Variants in CYTH3 observed in about 807,000 individuals in gnomAD.
The protein encoded by CYTH3 is cytohesin-3.
CYTH3 carries 23 observed loss-of-function variants against 55.1 expected under a neutral mutation model. The ratio of observed to expected loss-of-function variants is 0.42; its 90% CI spans 0.30 to 0.59. The LOEUF is 0.59. Among genes scored for constraint, CYTH3 ranks in the 20% least tolerant of loss-of-function variants. The pLI, the probability that CYTH3 is intolerant of heterozygous loss-of-function variation, is 0.20. For synonymous variants in CYTH3, 249 were observed against 194.9 expected (o/e 1.28, Z -2.31); for missense variants, 413 against 524.8 (o/e 0.79, Z 2.08).
intron 1 of CYTH3, among the ~76,000 whole-genome samples, chr7:6,267,236 CCT>C (rs1205741036): frequency 1.3e-5 from 2 of 152,172 alleles, no homozygotes; most frequent in African/African-American, 4.8e-5. Flanking sequence ...GTCCATGAAA[CCT>C]CTTTCCTTTA....
rs546818288 is a variant in CYTH3, at chr7:6,184,350, G to A, written c.249+2700C>T. Among the ~76,000 whole-genome samples the A allele has an allele frequency of 6.7e-5, 10 of 149,382 alleles. No individual in the cohort carries two copies. In the East Asian group the frequency reaches 1.0e-3, roughly 15 times the overall value. ...GCTGGGATTACAGGCGTGAGCCACCGCGCCTGGCCCCCTCTGTGGTATTGT... is the reference window on the plus strand; with the variant it reads ...GCTGGGATTACAGGCGTGAGCCACCACGCCTGGCCCCCTCTGTGGTATTGT... On this transcript the variant is annotated intron_variant, in intron 4 of 12. Coordinates refer to ENST00000350796, the MANE Select transcript of CYTH3 (RefSeq NM_004227.4).
chr7:6,258,050 G>A (rs979277733), intron 1 of CYTH3, among the ~76,000 whole-genome samples: 1 of 152,166 alleles, frequency 6.6e-6, no homozygotes, highest in African/African-American at 2.4e-5. Context: ...CTCCTGGGAG[G>A]ATCACTTGAG....
intron 1 of CYTH3, among the ~76,000 whole-genome samples, chr7:6,209,733 C>T (rs1460213627): frequency 2.0e-5 from 3 of 152,044 alleles, no homozygotes; most frequent in Non-Finnish European, 4.4e-5. Context: ...ATAGGTGACT[C>T]GATAAACTAT....
intron 1 of CYTH3, among the ~76,000 whole-genome samples, chr7:6,194,401 A>G (rs1028707939): frequency 2.6e-5 from 4 of 152,066 alleles, no homozygotes; most frequent in South Asian, 2.1e-4. Context: ...TGCAGTGACC[A>G]GCCACTGCAT....
chr7:6,164,882 G>A lies in CYTH3; in HGVS notation c.*62C>T, dbSNP rs573332549. The A allele has an allele frequency of 1.4e-5, 22 of 1,585,118 alleles. No homozygotes were observed. Among genetic ancestry groups the A allele is most frequent in the East Asian group, 2.2e-5 (1 of 44,744 alleles). On this transcript the variant is annotated 3_prime_UTR_variant, in exon 13 of 13. Transcript: ENST00000350796. ...TCCCTGCCACGCCTTCCGCGGAGGG[G>A]CCGCCCGCGGTGTCTTTCTGCTGGG...
chr7:6,267,797 C>A (rs1268683583), intron 1 of CYTH3, among the ~76,000 whole-genome samples: 2 of 152,162 alleles, frequency 1.3e-5, no homozygotes, highest in Non-Finnish European at 2.9e-5. Flanking sequence ...GCTGGGATTA[C>A]AGGCGTGAGC....
At chr7:6,183,138 A>C (rs1783550001) in intron 4 of CYTH3, among the ~76,000 whole-genome samples, 1 of 152,126 alleles carries the variant, frequency 6.6e-6, no homozygotes, top group South Asian at 2.1e-4. Context: ...TCCCACCTGG[A>C]GACACAATCA....
intron 1 of CYTH3, among the ~76,000 whole-genome samples, chr7:6,251,819 C>T (rs189453009): frequency 1.7e-4 from 26 of 152,264 alleles, no homozygotes; most frequent in African/African-American, 4.1e-4. Context: ...ACCACAGAAT[C>T]GCATGAGTTC....
At chr7:6,186,169 G>A (rs529674268) in intron 4 of CYTH3, among the ~76,000 whole-genome samples, 8 of 151,302 alleles carry the variant, frequency 5.3e-5, no homozygotes, top group Admixed American at 3.3e-4. Flanking sequence ...GCGTGAACCC[G>A]GGAGGCGGAG....
chr7:6,178,715 C>A (rs912345325), intron 4 of CYTH3, among the ~76,000 whole-genome samples: 6 of 152,176 alleles, frequency 3.9e-5, no homozygotes, highest in Admixed American at 1.3e-4. Context: ...TTTTCTATTA[C>A]CTGATGCCAA....
At chr7:6,229,169 T>C (rs772184128) in intron 1 of CYTH3, among the ~76,000 whole-genome samples, 6 of 152,218 alleles carry the variant, frequency 3.9e-5, no homozygotes, top group African/African-American at 1.4e-4. Context: ...GTTATCAAAG[T>C]TGGCCAGAAT....
rs868781637 is a variant in CYTH3 at position 6,272,595 on chromosome 7, G to C, written c.-88C>G. On this transcript the variant is annotated 5_prime_UTR_variant, in exon 1 of 13. Transcript: ENST00000350796. Reference sequence around the variant, plus strand: ...ACGCCGCCGGAGGGAGCGCGCAGGCGACCGGGCGGCTCCTCAGCGCGCGGC... The same window carrying C: ...ACGCCGCCGGAGGGAGCGCGCAGGCCACCGGGCGGCTCCTCAGCGCGCGGC... The C allele has an allele frequency of 1.4e-4, 146 of 1,049,824 alleles. No individual in the cohort carries two copies. In the African/African-American group the frequency reaches 2.2e-3, roughly 16 times the overall value. 65.0% of individuals were successfully genotyped at this position (1,049,824 alleles called of 1,614,324 possible).
chr7:6,251,032 A>G (rs1779948237), intron 1 of CYTH3, among the ~76,000 whole-genome samples: 1 of 152,226 alleles, frequency 6.6e-6, no homozygotes, highest in Admixed American at 6.5e-5. Context: ...TAATCCCAGC[A>G]CTTTGGGAGG....
Position 6,239,681 on chromosome 7 carries a change from T to C in CYTH3, c.34+32793A>G, listed in dbSNP as rs1038078329. ...GATAATTTGCTAAGCAAATGAGATA[T>C]AAAATTAATATAGAGAAATCAATAG... On this transcript the variant is annotated intron_variant, in intron 1 of 12. Transcript: ENST00000350796. Among the ~76,000 whole-genome samples, 5 of 152,204 alleles carry C rather than the reference T, an allele frequency of 3.3e-5. No homozygotes were observed. The East Asian group carries it at 9.6e-4, about 29-fold the overall frequency.
chr7:6,215,801 A>G (rs1784412787), intron 1 of CYTH3, among the ~76,000 whole-genome samples: 1 of 152,186 alleles, frequency 6.6e-6, no homozygotes, highest in African/African-American at 2.4e-5. Context: ...GAAACCAACC[A>G]GGGAAAATAA....
chr7:6,176,116 T>C (rs540926065), intron 5 of CYTH3, among the ~76,000 whole-genome samples: 1 of 152,094 alleles, frequency 6.6e-6, no homozygotes, highest in African/African-American at 2.4e-5. Context: ...CAATGTTTTG[T>C]GGTTTTTGGA....
At chr7:6,205,429 C>A (rs949915619) in intron 1 of CYTH3, among the ~76,000 whole-genome samples, 2 of 151,934 alleles carry the variant, frequency 1.3e-5, no homozygotes, top group East Asian at 3.9e-4. Context: ...AAAAAATTAG[C>A]CAGGCATGGC....
At chr7:6,189,107 T>A (rs1783732601) in intron 2 of CYTH3, among the ~76,000 whole-genome samples, 1 of 152,186 alleles carries the variant, frequency 6.6e-6, no homozygotes, top group African/African-American at 2.4e-5. Flanking sequence ...CATGTCTGAT[T>A]GACTTTCCCA....
intron 1 of CYTH3, among the ~76,000 whole-genome samples, chr7:6,259,161 G>GAA (rs1375996778): frequency 1.3e-5 from 2 of 152,178 alleles, no homozygotes; most frequent in Non-Finnish European, 2.9e-5. Flanking sequence ...GCCTGTGTCT[G>GAA]CACATTGCCA....
Sources: allele counts gnomAD v4.1 joint callset (sites outside exome capture counted in the v4.1 genomes callset), GRCh38; gene constraint gnomAD v4.1.1; transcripts MANE v1.5; gene names NCBI Gene and HGNC (gene_info 2026-07-23, HGNC 2026-07-21).